The following SMYD3 variants were observed in gnomAD, a reference collection of about 807,000 sequenced individuals.
The protein encoded by SMYD3 is histone-lysine N-methyltransferase SMYD3.
In SMYD3, 36 loss-of-function variants were observed where a neutral mutation model predicts 57.7. The ratio of observed to expected loss-of-function variants is 0.62; its 90% CI spans 0.48 to 0.82. SMYD3 has a LOEUF of 0.82. Among genes scored for constraint, SMYD3 ranks in the 40% least tolerant of loss-of-function variants. The pLI, the probability that SMYD3 is intolerant of heterozygous loss-of-function variation, is 0.00. For missense variants in SMYD3, 515 were observed against 538.8 expected (o/e 0.96, Z 0.44); for synonymous variants, 211 against 195.0 (o/e 1.08, Z -0.68).
intron 1 of SMYD3, among the ~76,000 whole-genome samples, chr1:246,442,946 C>A (rs759094714): frequency 6.6e-6 from 1 of 152,152 alleles, no homozygotes; most frequent in Admixed American, 6.5e-5. Context: ...AGAATTCTTG[C>A]CTAGCAACTT....
intron 11 of SMYD3, among the ~76,000 whole-genome samples, chr1:245,753,647 C>A (rs1004340949): frequency 6.6e-6 from 1 of 150,408 alleles, no homozygotes; most frequent in Admixed American, 6.6e-5. Flanking sequence ...CAGTCCTCAA[C>A]GATGTACGGA....
At chr1:245,848,107 T>TG (rs1336709663) in intron 10 of SMYD3, among the ~76,000 whole-genome samples, 1 of 151,532 alleles carries the variant, frequency 6.6e-6, no homozygotes, top group Non-Finnish European at 1.5e-5. Flanking sequence ...TAAAGTCTTT[T>TG]TTTTTTTTTG....
At chr1:245,817,577 C>T (rs1283717644) in intron 10 of SMYD3, among the ~76,000 whole-genome samples, 4 of 152,034 alleles carry the variant, frequency 2.6e-5, no homozygotes, top group East Asian at 1.9e-4. Flanking sequence ...GAGAAGAAGG[C>T]TTCAGACGAT....
chr1:246,429,400 C>T (rs1424353972), intron 1 of SMYD3, among the ~76,000 whole-genome samples: 1 of 152,140 alleles, frequency 6.6e-6, no homozygotes, highest in East Asian at 1.9e-4. Flanking sequence ...TGCCAAGTAT[C>T]ATCTTAAGAG....
chr1:245,815,883 G>C (rs2048777467), intron 10 of SMYD3, among the ~76,000 whole-genome samples: 1 of 152,116 alleles, frequency 6.6e-6, no homozygotes, highest in African/African-American at 2.4e-5. Flanking sequence ...CTTGGACCTG[G>C]GTCTTGTGAT....
chr1:246,086,728 T>A lies in SMYD3; in HGVS notation c.532-156791A>T, dbSNP rs567631672. ...CTTTTTTTTTAATTTTTTTAATTTT[T>A]ATTTTTATTTTAAGTTCTGGGATAC... On this transcript the variant is annotated intron_variant, in intron 5 of 11. Coordinates refer to ENST00000490107, the MANE Select transcript of SMYD3 (RefSeq NM_001167740.2). Among the ~76,000 whole-genome samples the A allele has an allele frequency of 6.2e-3, 945 of 152,172 alleles. 6 individuals are homozygous for A. Among genetic ancestry groups the A allele is most frequent in the Non-Finnish European group, 0.01 (693 of 68,002 alleles).
chr1:246,121,751 A>G (rs2061428791), intron 5 of SMYD3, among the ~76,000 whole-genome samples: 1 of 152,210 alleles, frequency 6.6e-6, no homozygotes, highest in African/African-American at 2.4e-5. Flanking sequence ...CATATGCTGG[A>G]AACTGGTTCT....
At chr1:246,258,655 T>C (rs1184771727) in intron 5 of SMYD3, among the ~76,000 whole-genome samples, 1 of 152,194 alleles carries the variant, frequency 6.6e-6, no homozygotes, top group African/African-American at 2.4e-5. Context: ...TAAGATATTT[T>C]TCTTTAGCAC....
chr1:245,776,162 T>A (rs1046095548), intron 10 of SMYD3, among the ~76,000 whole-genome samples: 17 of 152,216 alleles, frequency 1.1e-4, no homozygotes, highest in African/African-American at 4.1e-4. Flanking sequence ...TATATATCCT[T>A]CACAATATGT....
intron 1 of SMYD3, among the ~76,000 whole-genome samples, chr1:246,465,867 G>A (rs1184762765): frequency 1.3e-5 from 2 of 152,184 alleles, no homozygotes; most frequent in Non-Finnish European, 2.9e-5. Context: ...TGCCTCCTGG[G>A]TTCAAGCAAT....
At position 246,239,535 on chromosome 1, in the gene SMYD3, C is replaced by G. The variant is rs559724031; in HGVS notation, c.531+87666G>C. On this transcript the variant is annotated intron_variant, in intron 5 of 11. Transcript: ENST00000490107. ...TTCCAAGTCTTTGCTATTGTGAATA[C>G]TGCCGCAATAAACATACGTGTGCAT... Among the ~76,000 whole-genome samples, 287 of 152,292 alleles carry G rather than the reference C, an allele frequency of 1.9e-3. 4 individuals are homozygous for G. Among genetic ancestry groups the G allele is most frequent in the African/African-American group, 6.6e-3 (273 of 41,576 alleles).
At chr1:246,387,722 G>A (rs2066508880) in intron 1 of SMYD3, among the ~76,000 whole-genome samples, 1 of 152,230 alleles carries the variant, frequency 6.6e-6, no homozygotes, top group Non-Finnish European at 1.5e-5. Context: ...TTACAGCTAT[G>A]TGGAGAAGTC....
chr1:246,326,806 T>G, intron 5 of SMYD3: 1 of 253,930 alleles, frequency 3.9e-6, no homozygotes, highest in Non-Finnish European at 7.3e-6. Flanking sequence ...CAATAAATTT[T>G]TCATTTCAAA....
chr1:246,226,641 T>C (rs2148437117), intron 5 of SMYD3, among the ~76,000 whole-genome samples: 1 of 152,320 alleles, frequency 6.6e-6, no homozygotes, highest in African/African-American at 2.4e-5. Flanking sequence ...TCCACTTTCC[T>C]TCAAATATGG....
intron 1 of SMYD3, 56 bp downstream of exon 1, chr1:246,506,993 CCCCCT>C: frequency 1.2e-5 from 11 of 884,016 alleles, no homozygotes; most frequent in Non-Finnish European, 1.7e-5. Context: ...CCCGACGCCC[CCCCCT>C]CCCCAGCACC....
At chr1:246,166,886 C>T (rs1415301833) in intron 5 of SMYD3, among the ~76,000 whole-genome samples, 1 of 152,178 alleles carries the variant, frequency 6.6e-6, no homozygotes. Context: ...AGCTCCAAAA[C>T]ATTTGTATCA....
At chr1:246,040,784 A>C (rs1209888914) in intron 5 of SMYD3, among the ~76,000 whole-genome samples, 2 of 152,220 alleles carry the variant, frequency 1.3e-5, no homozygotes, top group African/African-American at 4.8e-5. Context: ...TGTGGTCTAC[A>C]TGTCACTGAT....
intron 1 of SMYD3, among the ~76,000 whole-genome samples, chr1:246,494,622 T>C (rs2068327639): frequency 6.6e-6 from 1 of 152,240 alleles, no homozygotes; most frequent in Non-Finnish European, 1.5e-5. Context: ...AGAGAAACTG[T>C]TACCTACTAC....
At chr1:246,418,223 A>G (rs1252915481) in intron 1 of SMYD3, among the ~76,000 whole-genome samples, 2 of 152,268 alleles carry the variant, frequency 1.3e-5, no homozygotes, top group Admixed American at 6.5e-5. Flanking sequence ...ACATTCTGCC[A>G]CATGCTACAA....
Sources: gnomAD v4.1 joint callset for allele counts (sites outside exome capture counted in the v4.1 genomes callset) on GRCh38, gnomAD v4.1.1 for gene constraint, MANE v1.5 for transcripts, NCBI Gene and HGNC (gene_info 2026-07-23, HGNC 2026-07-21) for gene names.